The following FHOD3 variants were observed in gnomAD, a reference collection of about 807,000 sequenced individuals.
The protein encoded by FHOD3 is FH1/FH2 domain-containing protein 3.
In FHOD3, 90 loss-of-function variants were observed where a neutral mutation model predicts 173.0. The observed-to-expected ratio is 0.52, with a 90% CI of 0.44 to 0.62. FHOD3 has a LOEUF of 0.62. FHOD3 is among the 20% of genes least tolerant of loss of function. FHOD3 has a pLI of 0.00. For synonymous variants in FHOD3, 828 were observed against 823.0 expected (o/e 1.01, Z -0.10); for missense variants, 1,945 against 2,034.7 (o/e 0.96, Z 0.85).
At chr18:36,423,226 C>G (rs141992874) in intron 3 of FHOD3, among the ~76,000 whole-genome samples, 5 of 152,028 alleles carry the variant, frequency 3.3e-5, no homozygotes, top group Non-Finnish European at 2.9e-5. Context: ...TATACACTTA[C>G]GATTTTTAAA....
In FHOD3 at chr18:36,718,171, C is replaced by G. The variant is rs138220175; in HGVS notation, c.2873C>G (p.Ala958Gly). 2.9e-5 allele frequency: 46 copies of G among 1,612,254 alleles called. 1 individual carries two copies. The African/African-American group carries it at 3.6e-4, about 13-fold the overall frequency. The change falls in exon 19 of 29, where the codon GCT becomes GGT. Residue 958 changes from alanine (A) to glycine (G), a missense_variant. By Grantham distance (60) the Ala-to-Gly change is moderately conservative. Coordinates refer to ENST00000590592, the MANE Select transcript of FHOD3 (RefSeq NM_001281740.3). ...DLGRGSISPD[A>G]EPNDKVPETA... ...GGGAGAGGTTCCATCTCCCCTGATGCTGAGCCCAATGACAAGGTCCCAGAA... is the reference window on the plus strand; with the variant it reads ...GGGAGAGGTTCCATCTCCCCTGATGGTGAGCCCAATGACAAGGTCCCAGAA...
intron 12 of FHOD3, 45 bp from the exon 13 acceptor site, chr18:36,653,297 A>G (rs1191573426): frequency 7.1e-7 from 1 of 1,417,656 alleles, no homozygotes; most frequent in Non-Finnish European, 9.5e-7. Flanking sequence ...GTCCTTTGCT[A>G]TCTTTCCGTG....
intron 1 of FHOD3, among the ~76,000 whole-genome samples, chr18:36,305,592 T>G (rs1053637652): frequency 1.3e-5 from 2 of 152,216 alleles, no homozygotes; most frequent in African/African-American, 4.8e-5. Context: ...AAGATTTTTT[T>G]AAGTTCTCAG....
intron 5 of FHOD3, among the ~76,000 whole-genome samples, chr18:36,543,650 C>A (rs2057307994): frequency 6.6e-6 from 1 of 152,120 alleles, no homozygotes; most frequent in African/African-American, 2.4e-5. Flanking sequence ...TCCCTGTCAC[C>A]CACTGGGGAT....
chr18:36,738,616 T>C (rs781395219), intron 20 of FHOD3, among the ~76,000 whole-genome samples: 7 of 152,258 alleles, frequency 4.6e-5, no homozygotes, highest in South Asian at 4.1e-4. Flanking sequence ...TGTTTACGTA[T>C]AGTGTAAGGT....
chr18:36,510,231 G>A (rs933507786), intron 4 of FHOD3, among the ~76,000 whole-genome samples: 25 of 152,174 alleles, frequency 1.6e-4, no homozygotes, highest in Admixed American at 1.6e-3. Flanking sequence ...CTGAAATGCA[G>A]CAATAAGCAC....
chr18:36,354,806 CAAA>C (rs879374185), intron 1 of FHOD3, among the ~76,000 whole-genome samples: 1 of 127,088 alleles, frequency 7.9e-6, no homozygotes. Flanking sequence ...ACTCTGTCGC[CAAA>C]AAAAAAAAAA....
rs146734187 is a variant in FHOD3 at position 36,760,818 on chromosome 18, T to C, written c.4624+36T>C. 1.0e-4 allele frequency: 161 copies of C among 1,569,422 alleles called. No homozygotes were observed. The African/African-American group carries it at 1.7e-3, about 17-fold the overall frequency. ...GCTGCGCGGGGCTCGTCTTGTCTTC[T>C]CAGGTTGGCCGCTCTGGGGGGGTCC... On this transcript the variant is annotated intron_variant, in intron 27 of 28. Coordinates refer to ENST00000590592, the MANE Select transcript of FHOD3 (RefSeq NM_001281740.3).
At chr18:36,662,383 A>G (rs2036870473) in intron 14 of FHOD3, among the ~76,000 whole-genome samples, 1 of 152,194 alleles carries the variant, frequency 6.6e-6, no homozygotes, top group Admixed American at 6.5e-5. Flanking sequence ...CCTCAGGCCC[A>G]TACTTAGGAC....
At chr18:36,555,562 G>A (rs556814159) in intron 5 of FHOD3, among the ~76,000 whole-genome samples, 95 of 152,148 alleles carry the variant, frequency 6.2e-4, no homozygotes, top group African/African-American at 2.2e-3. Context: ...GGATAGCTTT[G>A]TTCCAGTCTT....
chr18:36,533,933 A>G (rs926766392), intron 5 of FHOD3, among the ~76,000 whole-genome samples: 1 of 152,148 alleles, frequency 6.6e-6, no homozygotes, highest in Non-Finnish European at 1.5e-5. Context: ...GGGCAGTGTG[A>G]AGGCCATCTG....
chr18:36,473,044 A>G (rs1274263880), intron 3 of FHOD3, among the ~76,000 whole-genome samples: 1 of 152,194 alleles, frequency 6.6e-6, no homozygotes, highest in African/African-American at 2.4e-5. Flanking sequence ...AAGGCAAAAC[A>G]CAAGCCCAGT....
intron 1 of FHOD3, among the ~76,000 whole-genome samples, chr18:36,310,642 G>A (rs1439214055): frequency 1.6e-4 from 24 of 149,280 alleles, no homozygotes; most frequent in African/African-American, 3.5e-4. Context: ...AACCGAGATC[G>A]TGCCACTGCA....
intron 7 of FHOD3, among the ~76,000 whole-genome samples, chr18:36,597,806 GA>G (rs34629227): frequency 0.043 from 5,362 of 123,302 alleles, 97 homozygotes; most frequent in South Asian, 0.084. Context: ...ACTAGCAGCT[GA>G]AAAAAAAAAA....
Position 36,673,914 on chromosome 18 carries a change from T to C in FHOD3, c.1836-7522T>C, listed in dbSNP as rs747596291. Among the ~76,000 whole-genome samples the C allele has an allele frequency of 2.6e-5, 4 of 152,180 alleles. No individual in the cohort carries two copies. The East Asian group carries it at 7.7e-4, about 29-fold the overall frequency. On this transcript the variant is annotated intron_variant, in intron 14 of 28. Coordinates refer to ENST00000590592, the MANE Select transcript of FHOD3 (RefSeq NM_001281740.3). ...CCCTCTGATATATATATTTTGGTTC[T>C]TTCTGAAACAAATTCTTTTATTATT...
Position 36,693,387 on chromosome 18 carries a change from T to C in FHOD3, c.2200T>C (p.Ser734Pro). Residue 734 changes from serine (S) to proline (P), a missense_variant, in exon 17 of 29, where the codon TCT becomes CCT. Around this residue, in one of 5 missense-constraint regions of FHOD3, gnomAD observed 1,099 missense variants for 1,051.2 expected, o/e 1.05. Transcript: ENST00000590592. ...AGACTCTCAAGAGGCTCTCACGGTG[T>C]CTGCCTCCTCCCCAGGAACCCCTCA... ...SSDSQEALTV[S>P]ASSPGTPHHP... 1.9e-6 allele frequency: 3 copies of C among 1,613,814 alleles called. No homozygotes were observed. Among genetic ancestry groups the C allele is most frequent in the Non-Finnish European group, 2.5e-6 (3 of 1,179,846 alleles).
chr18:36,713,112 T>A (rs2040261340), intron 18 of FHOD3, among the ~76,000 whole-genome samples: 1 of 152,148 alleles, frequency 6.6e-6, no homozygotes. Flanking sequence ...CCTCAAAGAA[T>A]TACTACCGGA....
At chr18:36,582,742 A>T (rs1189872248) in intron 6 of FHOD3, among the ~76,000 whole-genome samples, 1 of 152,224 alleles carries the variant, frequency 6.6e-6, no homozygotes, top group Non-Finnish European at 1.5e-5. Flanking sequence ...GAATAGTAAT[A>T]TGGTAGCTGG....
chr18:36,448,338 T>C (rs1418290761), intron 3 of FHOD3, among the ~76,000 whole-genome samples: 2 of 152,202 alleles, frequency 1.3e-5, no homozygotes, highest in Non-Finnish European at 2.9e-5. Flanking sequence ...AAACAATGGA[T>C]GTGTAACTGT....
Sources: gnomAD v4.1 joint callset for allele counts (sites outside exome capture counted in the v4.1 genomes callset) on GRCh38, gnomAD v4.1.1 for gene constraint, gnomAD v4.1.1 regional missense constraint, MANE v1.5 for transcripts, NCBI Gene and HGNC (gene_info 2026-07-23, HGNC 2026-07-21) for gene names.